Variants in CCSER1 observed in about 807,000 individuals in gnomAD.
CCSER1 encodes serine-rich coiled-coil domain-containing protein 1.
A neutral mutation model predicts 82.0 loss-of-function variants in CCSER1; 41 were observed. That is an observed-to-expected ratio of 0.50 (90% CI 0.39 to 0.65). CCSER1 has a LOEUF of 0.65. Ranked by LOEUF, CCSER1 falls within the 30% of genes least tolerant of loss-of-function variation. The pLI, the probability that CCSER1 is intolerant of heterozygous loss-of-function variation, is 0.00. For synonymous variants in CCSER1, 414 were observed against 383.9 expected, an observed-to-expected ratio of 1.08 and a Z score of -0.92; for missense variants, 1,119 against 1,064.2, an observed-to-expected ratio of 1.05 and a Z score of -0.72.
chr4:90,546,778 A>G (rs965498518), intron 5 of CCSER1, among the ~76,000 whole-genome samples: 1 of 152,136 alleles, frequency 6.6e-6, no homozygotes, highest in African/African-American at 2.4e-5. Context: ...CATCTACTTA[A>G]GGAACTTGAA....
intron 10 of CCSER1, among the ~76,000 whole-genome samples, chr4:91,295,310 A>T (rs929586306): frequency 6.6e-6 from 1 of 151,938 alleles, no homozygotes; most frequent in Non-Finnish European, 1.5e-5. Flanking sequence ...AGAATTACAA[A>T]TTTCTTCTTG....
intron 5 of CCSER1, among the ~76,000 whole-genome samples, chr4:90,482,576 T>A (rs1321740808): frequency 2.0e-5 from 3 of 152,254 alleles, no homozygotes; most frequent in Non-Finnish European, 4.4e-5. Flanking sequence ...GTTGTGTCTT[T>A]GTTCTTGTTG....
intron 7 of CCSER1, among the ~76,000 whole-genome samples, 162 bp from the exon 8 acceptor site, chr4:90,815,600 T>G (rs905752371): frequency 1.2e-4 from 19 of 152,028 alleles, no homozygotes; most frequent in African/African-American, 3.6e-4. Context: ...TAACTTATTT[T>G]TTGCAACTAA....
intron 8 of CCSER1, among the ~76,000 whole-genome samples, chr4:90,898,321 C>T (rs1320846515): frequency 1.9e-4 from 19 of 98,680 alleles, no homozygotes; most frequent in Admixed American, 2.9e-4. Context: ...TTGCTCTTGT[C>T]GCCCAGGCTG....
chr4:91,405,155 A>G (rs892313814), intron 10 of CCSER1, among the ~76,000 whole-genome samples: 3 of 151,388 alleles, frequency 2.0e-5, no homozygotes, highest in Admixed American at 1.3e-4. Context: ...TGTAATGGCT[A>G]TCTTTGTCTC....
At chr4:90,824,264 C>T (rs896528573) in intron 8 of CCSER1, among the ~76,000 whole-genome samples, 3 of 151,994 alleles carry the variant, frequency 2.0e-5, no homozygotes, top group African/African-American at 7.2e-5. Flanking sequence ...TTTCTCCAAC[C>T]TTTTCAAATG....
chr4:91,168,690 A>C (rs1398172749), intron 10 of CCSER1, among the ~76,000 whole-genome samples: 1 of 152,184 alleles, frequency 6.6e-6, no homozygotes, highest in Non-Finnish European at 1.5e-5. Context: ...AGGTGTACCC[A>C]ACAGCTCCGA....
intron 9 of CCSER1, among the ~76,000 whole-genome samples, chr4:90,926,144 A>C (rs545521336): frequency 6.6e-6 from 1 of 152,040 alleles, no homozygotes; most frequent in East Asian, 1.9e-4. Flanking sequence ...TTTATTCTTC[A>C]ATTTATAGTA....
At chr4:90,950,941 A>G (rs779034044) in intron 9 of CCSER1, among the ~76,000 whole-genome samples, 2 of 152,058 alleles carry the variant, frequency 1.3e-5, no homozygotes, top group African/African-American at 2.4e-5. Context: ...GATATCTTTT[A>G]TCATTGATTT....
intron 6 of CCSER1, among the ~76,000 whole-genome samples, chr4:90,693,125 G>T (rs1579964182): frequency 6.6e-6 from 1 of 151,896 alleles, no homozygotes. Context: ...CAGAGTGGCT[G>T]AGTCTTCAAA....
intron 6 of CCSER1, among the ~76,000 whole-genome samples, chr4:90,703,325 G>A (rs984340437): frequency 2.0e-5 from 3 of 152,222 alleles, no homozygotes; most frequent in Non-Finnish European, 2.9e-5. Context: ...TTATTGCACT[G>A]TGTTCTGAGA....
intron 3 of CCSER1, among the ~76,000 whole-genome samples, chr4:90,380,974 A>G (rs899587298): frequency 6.6e-6 from 1 of 152,232 alleles, no homozygotes; most frequent in African/African-American, 2.4e-5. Flanking sequence ...GCGGGAGCAC[A>G]AAGATGGGCA....
At chr4:91,099,505 A>G (rs1015621445) in intron 10 of CCSER1, among the ~76,000 whole-genome samples, 5 of 152,224 alleles carry the variant, frequency 3.3e-5, no homozygotes, top group Non-Finnish European at 7.3e-5. Flanking sequence ...ATGAGTGACC[A>G]TGGTCCATGA....
intron 5 of CCSER1, among the ~76,000 whole-genome samples, chr4:90,518,451 T>A (rs1233167895): frequency 6.6e-6 from 1 of 152,078 alleles, no homozygotes; most frequent in East Asian, 1.9e-4. Context: ...GTTTTAAACA[T>A]CTTTTGTAAT....
At chr4:90,624,193 C>T (rs1722874324) in intron 5 of CCSER1, among the ~76,000 whole-genome samples, 1 of 152,136 alleles carries the variant, frequency 6.6e-6, no homozygotes, top group Admixed American at 6.5e-5. Flanking sequence ...TGGCCATAGA[C>T]ATTCCCTATA....
chr4:91,303,603 T>A (rs900145691), intron 10 of CCSER1, among the ~76,000 whole-genome samples: 1 of 151,696 alleles, frequency 6.6e-6, no homozygotes, highest in African/African-American at 2.4e-5. Flanking sequence ...CTTGGCAACA[T>A]AGCAAGACCC....
At chr4:90,464,241 ATT>A (rs1310795766) in intron 4 of CCSER1, among the ~76,000 whole-genome samples, 1 of 152,170 alleles carries the variant, frequency 6.6e-6, no homozygotes, top group African/African-American at 2.4e-5. Context: ...AGGCTTGTTC[ATT>A]TTGTTGTTTA....
chr4:90,840,753 C>CTT (rs909179589), intron 8 of CCSER1, among the ~76,000 whole-genome samples: 1 of 146,606 alleles, frequency 6.8e-6, no homozygotes, highest in African/African-American at 2.5e-5. Context: ...GCTCCTTACT[C>CTT]TTTTTTTTTT....
intron 1 of CCSER1, among the ~76,000 whole-genome samples, chr4:90,246,281 C>T (rs1253133819): frequency 6.6e-6 from 1 of 151,940 alleles, no homozygotes; most frequent in Non-Finnish European, 1.5e-5. Context: ...TTTTCAAGGT[C>T]GTACAGTTAA....
Sources: allele counts gnomAD v4.1 joint callset (sites outside exome capture counted in the v4.1 genomes callset), GRCh38; gene constraint gnomAD v4.1.1; transcripts MANE v1.5; gene names NCBI Gene and HGNC (gene_info 2026-07-23, HGNC 2026-07-21).